The following ELOVL6 variants were observed in gnomAD, a reference collection of about 807,000 sequenced individuals.
ELOVL6 encodes the protein very long chain fatty acid elongase 6.
Under a neutral mutation model 31.7 loss-of-function variants are expected in ELOVL6, and 8 were observed. The observed-to-expected ratio is 0.25, with a 90% CI of 0.15 to 0.45. ELOVL6 has a LOEUF of 0.45. Ranked by LOEUF, ELOVL6 falls within the 20% of genes least tolerant of loss-of-function variation. ELOVL6 has a pLI of 1.00. For synonymous variants in ELOVL6, 101 were observed against 117.7 expected (o/e 0.86, Z 0.92); for missense variants, 126 against 326.4 (o/e 0.39, Z 4.73).
chr4:110,058,618 A>G (rs1755059651), intron 3 of ELOVL6, among the ~76,000 whole-genome samples: 1 of 152,186 alleles, frequency 6.6e-6, no homozygotes, highest in Non-Finnish European at 1.5e-5. Flanking sequence ...GTTTGTAAGG[A>G]AAGTACAACA....
rs1255808351 is a variant in ELOVL6 at position 110,046,815 on chromosome 4, C to A, written c.*4523G>T. ...TTGCTCATTGGCAAACTGGGACCTACCCCTTCATACTGATTGTCGGAACAA... is the reference window on the plus strand; with the variant it reads ...TTGCTCATTGGCAAACTGGGACCTAACCCTTCATACTGATTGTCGGAACAA... On this transcript the variant is annotated 3_prime_UTR_variant, in exon 4 of 4. Transcript: ENST00000302274. 2 of 152,212 alleles carry A rather than the reference C, an allele frequency of 1.3e-5. No homozygotes were observed. Among genetic ancestry groups the A allele is most frequent in the African/African-American group, 4.8e-5 (2 of 41,450 alleles). The allele number at this position is 152,212 out of a possible 1,614,324, so 9.4% of individuals were successfully genotyped here. A position where few individuals can be genotyped will look rare whatever the true frequency, so the allele number is the denominator to read the frequency against.
intron 1 of ELOVL6, among the ~76,000 whole-genome samples, chr4:110,155,593 C>T (rs1477585918): frequency 6.6e-6 from 1 of 152,004 alleles, no homozygotes; most frequent in Non-Finnish European, 1.5e-5. Context: ...AACACAATGC[C>T]ATTCTTTCCA....
chr4:110,084,414 C>CATCACATATATCATAT (rs1472698963), intron 2 of ELOVL6, among the ~76,000 whole-genome samples: 2 of 22,900 alleles, frequency 8.7e-5, no homozygotes, highest in Admixed American at 8.1e-4. Flanking sequence ...ATATGACATA[C>CATCACATATATCATAT]ATGATATATC....
chr4:110,180,604 T>C (rs1013260289), intron 1 of ELOVL6, among the ~76,000 whole-genome samples: 1 of 152,236 alleles, frequency 6.6e-6, no homozygotes, highest in Non-Finnish European at 1.5e-5. Flanking sequence ...GTTCTCACCA[T>C]GTTGCCCAGG....
At chr4:110,060,656 A>G (rs771982096) in intron 2 of ELOVL6, among the ~76,000 whole-genome samples, 1 of 152,204 alleles carries the variant, frequency 6.6e-6, no homozygotes, top group Non-Finnish European at 1.5e-5. Context: ...AGCAGCCACT[A>G]TTACGAAGTG....
chr4:110,143,745 G>A (rs1302896120), intron 1 of ELOVL6, among the ~76,000 whole-genome samples: 3 of 152,130 alleles, frequency 2.0e-5, no homozygotes, highest in Non-Finnish European at 4.4e-5. Flanking sequence ...TATAAAGTAA[G>A]TTACTTTAAT....
chr4:110,099,604 T>C (rs1756684320), intron 2 of ELOVL6, among the ~76,000 whole-genome samples: 1 of 152,212 alleles, frequency 6.6e-6, no homozygotes, highest in Non-Finnish European at 1.5e-5. Flanking sequence ...CACCAAATTA[T>C]CTTTTTATAA....
At chr4:110,194,812 A>C (rs904546424) in intron 1 of ELOVL6, among the ~76,000 whole-genome samples, 6 of 152,218 alleles carry the variant, frequency 3.9e-5, no homozygotes, top group Non-Finnish European at 8.8e-5. Flanking sequence ...TACTGGCAAA[A>C]TACTACTCCT....
intron 1 of ELOVL6, among the ~76,000 whole-genome samples, chr4:110,116,694 C>T (rs918000271): frequency 4.6e-5 from 7 of 152,210 alleles, no homozygotes; most frequent in Non-Finnish European, 8.8e-5. Flanking sequence ...TAATCCCAAT[C>T]TTAAAATACG....
At position 110,051,553 on chromosome 4, in the gene ELOVL6, C is replaced by T; in HGVS notation, c.583G>A (p.Ala195Thr). The T allele has an allele frequency of 1.2e-6, 2 of 1,614,182 alleles. No homozygotes were observed. Among genetic ancestry groups the T allele is most frequent in the Non-Finnish European group, 1.7e-6 (2 of 1,180,026 alleles). ...ATCTGGGACAAGGTGATGAACATGG[C>T]AAACTTCCGGGAGACTCGGAAACCT... is the stretch of plus-strand genomic sequence containing the variant. Reference protein sequence around the residue: ...AAGFRVSRKFAMFITLSQITQ... With the variant: ...AAGFRVSRKFTMFITLSQITQ... The change falls in exon 4 of 4, where the codon GCC becomes ACC. Residue 195 changes from alanine to threonine, a missense_variant. By Grantham distance (58) the Ala-to-Thr change is moderately conservative. This residue lies in a region of ELOVL6 where 57 missense variants were observed against 110.2 expected (regional missense o/e 0.52). Coordinates refer to ENST00000302274, the MANE Select transcript of ELOVL6 (RefSeq NM_024090.3). The surrounding 1 kb of genome is among the most constrained non-coding windows in gnomAD (Gnocchi z 4.8).
At chr4:110,071,790 G>T (rs1243519491) in intron 2 of ELOVL6, among the ~76,000 whole-genome samples, 1 of 152,206 alleles carries the variant, frequency 6.6e-6, no homozygotes, top group African/African-American at 2.4e-5. Flanking sequence ...CCACTGAAAA[G>T]AGATGGTATG....
Position 110,095,469 on chromosome 4 carries a change from G to A in ELOVL6, c.221+10028C>T, listed in dbSNP as rs566092806. 9.4e-5 allele frequency among the ~76,000 whole-genome samples: 13 copies of A among 137,890 alleles called. No individual in the cohort carries two copies. The East Asian group carries it at 1.1e-3, about 11-fold the overall frequency. The allele number at this position is 137,890 out of a possible 152,430, so 90.5% of individuals were successfully genotyped here. On this transcript the variant is annotated intron_variant, in intron 2 of 3. Coordinates refer to ENST00000302274, the MANE Select transcript of ELOVL6 (RefSeq NM_024090.3). ...TGCATTCCAGCCTGGGTGAAAGGGC[G>A]AAACTGTCTTTAAAAAAAAAAAAAA... is the stretch of plus-strand genomic sequence containing the variant.
chr4:110,156,359 C>A (rs1180271658), intron 1 of ELOVL6, among the ~76,000 whole-genome samples: 1 of 152,050 alleles, frequency 6.6e-6, no homozygotes, highest in Non-Finnish European at 1.5e-5. Context: ...CCACATTGGA[C>A]TGACCTCCAT....
chr4:110,096,913 TTAATAACAAAACTGAACAGGA>T (rs1201036549), intron 2 of ELOVL6, among the ~76,000 whole-genome samples: 6 of 152,070 alleles, frequency 3.9e-5, no homozygotes, highest in Non-Finnish European at 5.9e-5. Context: ...AAAATTGGTA[TTAATAACAAAACTGAACAGGA>T]TAATAACAAA....
chr4:110,158,655 A>ATTT lies in ELOVL6; in HGVS notation c.89+39591_89+39592insAAA, dbSNP rs1365076499. On this transcript the variant is annotated intron_variant, in intron 1 of 3. Transcript: ENST00000302274. The stretch of plus-strand genomic sequence containing the variant: ...CACGTGTATATATATATATATATAT[A>ATTT]TATTTTTTTTTTTTTTTTTTTTGAG... Among the ~76,000 whole-genome samples the ATTT allele has an allele frequency of 5.6e-3, 423 of 76,110 alleles. 10 individuals are homozygous for ATTT. The highest frequency in any genetic ancestry group is 0.032 in the African/African-American group (392 of 12,356). 49.9% of individuals were successfully genotyped at this position (76,110 alleles called of 152,430 possible). A position where few individuals can be genotyped will look rare whatever the true frequency, so the allele number is the denominator to read the frequency against.
intron 3 of ELOVL6, among the ~76,000 whole-genome samples, chr4:110,053,667 C>T (rs576687261): frequency 5.9e-5 from 9 of 151,942 alleles, no homozygotes; most frequent in South Asian, 4.1e-4. Flanking sequence ...TAGGCTGGCA[C>T]GGTGGCTCAC....
intron 2 of ELOVL6, among the ~76,000 whole-genome samples, chr4:110,095,857 G>C (rs1448631931): frequency 6.6e-6 from 1 of 152,170 alleles, no homozygotes; most frequent in African/African-American, 2.4e-5. Flanking sequence ...ATACAACTTG[G>C]TGACTGGGTA....
chr4:110,132,768 A>T (rs117358448), intron 1 of ELOVL6, among the ~76,000 whole-genome samples: 3,528 of 152,202 alleles, frequency 0.023, 135 homozygotes, highest in East Asian at 0.17. Context: ...TGAACCCAGG[A>T]TGTGGAGGTT....
chr4:110,137,105 G>C (rs540736718), intron 1 of ELOVL6, among the ~76,000 whole-genome samples: 184 of 152,268 alleles, frequency 1.2e-3, no homozygotes, highest in African/African-American at 4.3e-3. Flanking sequence ...AATAAAACTA[G>C]TTTCTTTGGT....
Sources: allele counts gnomAD v4.1 joint callset (sites outside exome capture counted in the v4.1 genomes callset), GRCh38; gene constraint gnomAD v4.1.1; regional missense constraint gnomAD v4.1.1; non-coding constraint Gnocchi (gnomAD v3.1); transcripts MANE v1.5; gene names NCBI Gene and HGNC (gene_info 2026-07-23, HGNC 2026-07-21).